Variants in TRIM2 observed in about 807,000 individuals in gnomAD.
TRIM2 encodes the protein tripartite motif containing 2, also known as tripartite motif-containing protein 2.
A neutral mutation model predicts 75.2 loss-of-function variants in TRIM2; 20 were observed. That is an observed-to-expected ratio of 0.27 (90% CI 0.19 to 0.39). The LOEUF is 0.39. Among genes scored for constraint, TRIM2 ranks in the 10% least tolerant of loss-of-function variants. The pLI, the probability that TRIM2 is intolerant of heterozygous loss-of-function variation, is 1.00. For missense variants in TRIM2, 660 were observed against 990.8 expected (o/e 0.67, Z 4.48); for synonymous variants, 373 against 388.3 (o/e 0.96, Z 0.46).
chr4:153,168,904 C>T (rs767659713), intron 1 of TRIM2, among the ~76,000 whole-genome samples: 5 of 152,042 alleles, frequency 3.3e-5, no homozygotes, highest in Non-Finnish European at 7.4e-5. Context: ...TAGCAAGACC[C>T]CGTCTCTACT....
At chr4:153,254,156 A>G (rs1751512230) in intron 1 of TRIM2, among the ~76,000 whole-genome samples, 1 of 152,162 alleles carries the variant, frequency 6.6e-6, no homozygotes, top group Admixed American at 6.5e-5. Flanking sequence ...TGCCATCCTA[A>G]GATGTTCATT....
At chr4:153,258,700 A>T (rs1354209563) in intron 1 of TRIM2, among the ~76,000 whole-genome samples, 1 of 152,256 alleles carries the variant, frequency 6.6e-6, no homozygotes, top group African/African-American at 2.4e-5. Flanking sequence ...GGCTTAGATC[A>T]TGTTACAGCA....
At chr4:153,314,419 CAAAAAAA>C (rs58410286) in intron 6 of TRIM2, among the ~76,000 whole-genome samples, 16 of 58,886 alleles carry the variant, frequency 2.7e-4, no homozygotes, top group Non-Finnish European at 2.2e-4. Flanking sequence ...GACTCCGTCT[CAAAAAAA>C]AAAAAAAAAA....
Position 153,311,842 on chromosome 4 carries a change from G to A in TRIM2, c.1511-3643G>A, listed in dbSNP as rs866195936. Among the ~76,000 whole-genome samples, 10 of 151,160 alleles carry A rather than the reference G, an allele frequency of 6.6e-5. No individual in the cohort carries two copies. In the South Asian group the frequency reaches 1.0e-3, roughly 16 times the overall value. ...CCCAAAGTGCTGTGATTACAGGCAC[G>A]AGCTATGATGCCTGGCCTATAAAAT... On this transcript the variant is annotated intron_variant, in intron 6 of 11. Coordinates refer to ENST00000338700, the MANE Select transcript of TRIM2 (RefSeq NM_015271.5).
chr4:153,169,804 G>A (rs1306895625), intron 1 of TRIM2, among the ~76,000 whole-genome samples: 2 of 152,210 alleles, frequency 1.3e-5, no homozygotes, highest in East Asian at 3.8e-4. Flanking sequence ...GAATTTTCAA[G>A]ATTTCCAAAT....
At chr4:153,315,709 A>T in intron 7 of TRIM2, 121 bp downstream of exon 7, 2 of 1,456,090 alleles carry the variant, frequency 1.4e-6, no homozygotes, top group East Asian at 4.6e-5. Context: ...GTTTATGTAG[A>T]CTTTTCTTCA....
chr4:153,201,231 TG>T (rs1205287976), upstream of TRIM2, among the ~76,000 whole-genome samples: 1 of 152,234 alleles, frequency 6.6e-6, no homozygotes, highest in Non-Finnish European at 1.5e-5. Flanking sequence ...CCCAAAGTGC[TG>T]GGATTACAGG....
chr4:153,167,575 C>G (rs919181594), intron 1 of TRIM2, among the ~76,000 whole-genome samples: 2 of 152,210 alleles, frequency 1.3e-5, no homozygotes, highest in African/African-American at 2.4e-5. Context: ...ACTTTACTCT[C>G]GCAGTCTTAC....
intron 1 of TRIM2, among the ~76,000 whole-genome samples, chr4:153,193,127 CTTTTTTTTTTTT>C (rs141233060): frequency 2.8e-5 from 3 of 106,700 alleles, no homozygotes; most frequent in African/African-American, 1.2e-4. Flanking sequence ...AGTGAATAAT[CTTTTTTTTTTTT>C]TTTTTTTTTT....
At chr4:153,244,560 A>C (rs962018179) in intron 1 of TRIM2, among the ~76,000 whole-genome samples, 5 of 151,302 alleles carry the variant, frequency 3.3e-5, no homozygotes, top group Admixed American at 2.0e-4. Context: ...TGCACCTAGC[A>C]ACACATAGTT....
At chr4:153,309,108 G>A (rs942820328) in intron 6 of TRIM2, among the ~76,000 whole-genome samples, 4 of 152,186 alleles carry the variant, frequency 2.6e-5, no homozygotes, top group Non-Finnish European at 5.9e-5. Context: ...GTGTAGTGAA[G>A]GATACAGACA....
At chr4:153,326,730 C>T (rs572581774) in intron 10 of TRIM2, among the ~76,000 whole-genome samples, 8 of 152,336 alleles carry the variant, frequency 5.3e-5, no homozygotes, top group African/African-American at 1.9e-4. Context: ...CCTGTAATCC[C>T]AGCACTCTGG....
intron 1 of TRIM2, among the ~76,000 whole-genome samples, chr4:153,182,679 A>G (rs1732192407): frequency 6.6e-6 from 1 of 152,208 alleles, no homozygotes; most frequent in Admixed American, 6.5e-5. Flanking sequence ...TTATGATCTT[A>G]TGGATTTCTC....
At chr4:153,299,722 C>T (rs943733648) in intron 6 of TRIM2, among the ~76,000 whole-genome samples, 2 of 152,182 alleles carry the variant, frequency 1.3e-5, no homozygotes, top group Non-Finnish European at 2.9e-5. Flanking sequence ...TCCCTATCAC[C>T]TGCTTTGACC....
At chr4:153,152,929 T>C (rs897353430), upstream of TRIM2, among the ~76,000 whole-genome samples, 13 of 152,300 alleles carry the variant, frequency 8.5e-5, no homozygotes, top group African/African-American at 3.1e-4. Flanking sequence ...AGGCTGGCAT[T>C]TGCACCTTTT....
chr4:153,281,334 T>C (rs554809352), intron 3 of TRIM2, among the ~76,000 whole-genome samples: 2 of 152,342 alleles, frequency 1.3e-5, no homozygotes, highest in Middle Eastern at 6.8e-3. Flanking sequence ...TGGAAATATT[T>C]CTAAGGAAAT....
chr4:153,164,890 T>G (rs1730133891), intron 1 of TRIM2, among the ~76,000 whole-genome samples: 1 of 152,232 alleles, frequency 6.6e-6, no homozygotes, highest in Non-Finnish European at 1.5e-5. Flanking sequence ...ACTATAGTTG[T>G]GTTTCCTTTC....
At chr4:153,324,785 T>C (rs1769795424) in intron 10 of TRIM2, among the ~76,000 whole-genome samples, 1 of 152,238 alleles carries the variant, frequency 6.6e-6, no homozygotes, top group Non-Finnish European at 1.5e-5. Context: ...AGTAATATCC[T>C]AGATCAGGCT....
At chr4:153,251,092 A>T (rs970785755) in intron 1 of TRIM2, among the ~76,000 whole-genome samples, 1 of 152,196 alleles carries the variant, frequency 6.6e-6, no homozygotes, top group African/African-American at 2.4e-5. Flanking sequence ...GTTAAGGCCA[A>T]CTTGCACCTT....
Sources: allele counts gnomAD v4.1 joint callset (sites outside exome capture counted in the v4.1 genomes callset), GRCh38; gene constraint gnomAD v4.1.1; transcripts MANE v1.5; gene names NCBI Gene and HGNC (gene_info 2026-07-23, HGNC 2026-07-21).